Variants in EVI5 observed in about 807,000 individuals in gnomAD.
EVI5 encodes the protein ecotropic viral integration site 5 protein homolog.
A neutral mutation model predicts 112.0 loss-of-function variants in EVI5; 73 were observed. The observed-to-expected ratio is 0.65, with a 90% CI of 0.54 to 0.79. The LOEUF is 0.79. EVI5 is among the 30% of genes least tolerant of loss of function. The pLI, the probability that EVI5 is intolerant of heterozygous loss-of-function variation, is 0.00. For missense variants in EVI5, 900 were observed against 968.8 expected (o/e 0.93, Z 0.94); for synonymous variants, 305 against 319.9 (o/e 0.95, Z 0.50).
chr1:92,771,608 CTTT>C (rs10541210), intron 1 of EVI5, among the ~76,000 whole-genome samples: 2,893 of 139,776 alleles, frequency 0.021, 101 homozygotes, highest in African/African-American at 0.069. Flanking sequence ...ATTTTCTTTT[CTTT>C]TTTTTTTTTT....
At chr1:92,658,433 A>G (rs1396905252) in intron 13 of EVI5, among the ~76,000 whole-genome samples, 2 of 152,218 alleles carry the variant, frequency 1.3e-5, no homozygotes, top group African/African-American at 4.8e-5. Context: ...CTGTACACCA[A>G]TAACAATCAA....
At chr1:92,765,566 G>A (rs1570850841) in intron 1 of EVI5, among the ~76,000 whole-genome samples, 1 of 147,632 alleles carries the variant, frequency 6.8e-6, no homozygotes. Context: ...AAACAACAAA[G>A]ACACGAAACA....
At chr1:92,754,011 C>T (rs1434483878) in intron 1 of EVI5, among the ~76,000 whole-genome samples, 1 of 152,090 alleles carries the variant, frequency 6.6e-6, no homozygotes, top group African/African-American at 2.4e-5. Flanking sequence ...TATCCTAACC[C>T]AAGCCCCAGA....
Position 92,717,158 on chromosome 1 carries a change from T to C in EVI5, c.150-12414A>G, listed in dbSNP as rs182270911. Among the ~76,000 whole-genome samples, 581 of 152,256 alleles carry C rather than the reference T, an allele frequency of 3.8e-3. 11 individuals carry two copies. Among genetic ancestry groups the C allele is most frequent in the Admixed American group, 0.034 (525 of 15,280 alleles). On this transcript the variant is annotated intron_variant, in intron 2 of 19. Coordinates refer to ENST00000684568, the MANE Select transcript of EVI5 (RefSeq NM_001350197.2). ...GCATACACAAGTTTCAATAGCTGAT[T>C]TGATCAAGGGGAAGAAAGGATATCA...
At chr1:92,566,698 T>C (rs973437454) in intron 18 of EVI5, among the ~76,000 whole-genome samples, 1 of 152,046 alleles carries the variant, frequency 6.6e-6, no homozygotes, top group Non-Finnish European at 1.5e-5. Flanking sequence ...CCATGTGTAA[T>C]ACTATTGCCC....
chr1:92,630,064 T>A (rs4642893), intron 14 of EVI5, among the ~76,000 whole-genome samples: 140,188 of 152,170 alleles, frequency 0.92, 64,661 homozygotes, highest in East Asian at 0.97. Context: ...ATCCAGTCTA[T>A]CATTGTTGGA....
In EVI5 at chr1:92,785,010, AC is replaced by A. The variant is rs562699037; in HGVS notation, c.-257del. ...CAGGGCCGCCTCGCGACCCTCACCT[AC>A]CCCTCCCGGCACCGCCGCTGTCGGA... On this transcript the variant is annotated 5_prime_UTR_variant, in exon 1 of 20. Coordinates refer to ENST00000684568, the MANE Select transcript of EVI5 (RefSeq NM_001350197.2). 2.8e-5 allele frequency: 27 copies of A among 980,828 alleles called. No homozygotes were observed. The East Asian group carries it at 2.8e-3, about 102-fold the overall frequency. The allele number at this position is 980,828 out of a possible 1,614,324, so 60.8% of individuals were successfully genotyped here.
At chr1:92,515,084 G>C (rs1456616811) in intron 19 of EVI5, among the ~76,000 whole-genome samples, 29 of 152,156 alleles carry the variant, frequency 1.9e-4, no homozygotes, top group Admixed American at 6.5e-5. Flanking sequence ...GGGAGGAGGA[G>C]AGAGGAATGG....
intron 18 of EVI5, among the ~76,000 whole-genome samples, chr1:92,586,304 C>T (rs1038406269): frequency 1.3e-5 from 2 of 152,150 alleles, no homozygotes. Flanking sequence ...TATACTTCCC[C>T]TCCTTGAGGG....
chr1:92,739,411 A>G (rs1273584739), intron 1 of EVI5, among the ~76,000 whole-genome samples: 1 of 152,162 alleles, frequency 6.6e-6, no homozygotes, highest in Non-Finnish European at 1.5e-5. Context: ...CAAATCCAGA[A>G]GTAGATCAGT....
At chr1:92,683,212 T>G (rs1667897657) in intron 9 of EVI5, among the ~76,000 whole-genome samples, 1 of 152,222 alleles carries the variant, frequency 6.6e-6, no homozygotes, top group Non-Finnish European at 1.5e-5. Flanking sequence ...TTCTGAATTC[T>G]AATTCAGAAC....
At chr1:92,614,767 C>T (rs1310944369) in intron 16 of EVI5, among the ~76,000 whole-genome samples, 1 of 141,608 alleles carries the variant, frequency 7.1e-6, no homozygotes, top group Non-Finnish European at 1.5e-5. Context: ...ACTTAATAAA[C>T]TCATATATAT....
chr1:92,703,313 G>T, intron 4 of EVI5, 82 bp downstream of exon 4: 1 of 826,772 alleles, frequency 1.2e-6, no homozygotes, highest in South Asian at 1.8e-5. Context: ...GTGGTGGGAG[G>T]TCATGCTTCA....
chr1:92,590,145 T>C (rs928212327), intron 18 of EVI5, among the ~76,000 whole-genome samples: 6 of 152,232 alleles, frequency 3.9e-5, no homozygotes, highest in African/African-American at 1.4e-4. Context: ...CAAACGTAGA[T>C]AAAACCACAA....
chr1:92,709,030 T>C (rs1028564265), intron 2 of EVI5, among the ~76,000 whole-genome samples: 1 of 152,180 alleles, frequency 6.6e-6, no homozygotes, highest in Non-Finnish European at 1.5e-5. Flanking sequence ...ATTGATTGTG[T>C]TGACAATTGC....
intron 15 of EVI5, chr1:92,625,556 C>T (rs1169433354): frequency 2.8e-6 from 1 of 363,522 alleles, no homozygotes; most frequent in Non-Finnish European, 5.0e-6. Context: ...CACAATGGTA[C>T]AATGACAAAA....
At chr1:92,623,620 T>C (rs914532285) in intron 16 of EVI5, among the ~76,000 whole-genome samples, 1 of 152,186 alleles carries the variant, frequency 6.6e-6, no homozygotes. Flanking sequence ...GGTCACCACA[T>C]TAAACAACTT....
intron 18 of EVI5, among the ~76,000 whole-genome samples, chr1:92,597,761 C>G (rs1030852939): frequency 6.6e-6 from 1 of 152,162 alleles, no homozygotes; most frequent in Non-Finnish European, 1.5e-5. Context: ...ACAGTAAGCA[C>G]CCAATATAGC....
chr1:92,768,327 A>C (rs1043978325), intron 1 of EVI5, among the ~76,000 whole-genome samples: 1 of 152,176 alleles, frequency 6.6e-6, no homozygotes, highest in Non-Finnish European at 1.5e-5. Flanking sequence ...GAAGACGCCA[A>C]AAAAGCATTT....
Sources: allele counts gnomAD v4.1 joint callset (sites outside exome capture counted in the v4.1 genomes callset), GRCh38; gene constraint gnomAD v4.1.1; transcripts MANE v1.5; gene names NCBI Gene and HGNC (gene_info 2026-07-23, HGNC 2026-07-21).